Variants in GPAT4 observed in about 807,000 individuals in gnomAD.
GPAT4 encodes 1-AGP acyltransferase 6.
In GPAT4, 17 loss-of-function variants were observed where a neutral mutation model predicts 58.0. That is an observed-to-expected ratio of 0.29 (90% CI 0.20 to 0.44). GPAT4 has a LOEUF of 0.44. Among genes scored for constraint, GPAT4 ranks in the 20% least tolerant of loss-of-function variants. The pLI, the probability that GPAT4 is intolerant of heterozygous loss-of-function variation, is 1.00. For synonymous variants in GPAT4, 204 were observed against 210.1 expected, an observed-to-expected ratio of 0.97 and a Z score of 0.25; for missense variants, 377 against 574.5, an observed-to-expected ratio of 0.66 and a Z score of 3.51.
intron 8 of GPAT4, among the ~76,000 whole-genome samples, 176 bp downstream of exon 8, chr8:41,613,136 C>CCTGT (rs1413511773): frequency 6.6e-6 from 1 of 152,100 alleles, no homozygotes; most frequent in Non-Finnish European, 1.5e-5. Flanking sequence ...GTGGCTCATG[C>CCTGT]CTGTAATCCC....
chr8:41,585,937 A>G (rs1186863221), intron 1 of GPAT4, among the ~76,000 whole-genome samples: 1 of 152,258 alleles, frequency 6.6e-6, no homozygotes, highest in East Asian at 1.9e-4. Context: ...CTTTTTGAAC[A>G]ACTTAATCTT....
chr8:41,598,696 A>T lies in GPAT4; in HGVS notation c.-444A>T. 6.4e-6 allele frequency: 1 copy of T among 157,348 alleles called. No homozygotes were observed. The highest frequency in any genetic ancestry group is 1.4e-5 in the Non-Finnish European group (1 of 71,736). 9.7% of individuals were successfully genotyped at this position (157,348 alleles called of 1,614,324 possible). ...CAGGATTTTTCTGGCACCAAGTTTA[A>T]TTCTTCTTCGTACTTCTGGTAGTGA... On this transcript the variant is annotated 5_prime_UTR_variant, in exon 2 of 13. Transcript: ENST00000396987.
At position 41,585,332 on chromosome 8, in the gene GPAT4, C is replaced by T. The variant is rs1488424597; in HGVS notation, c.-849+7054C>T. Among the ~76,000 whole-genome samples the T allele has an allele frequency of 7.9e-5, 12 of 152,162 alleles. No individual in the cohort carries two copies. The East Asian group carries it at 1.7e-3, about 22-fold the overall frequency. The stretch of plus-strand genomic sequence containing the variant: ...CAGCCTGGGAAGCAAGAAGTGCACT[C>T]GACTGGACATCAGATGGGCGTGTTA... On this transcript the variant is annotated intron_variant, in intron 1 of 12. Coordinates refer to ENST00000396987, the MANE Select transcript of GPAT4 (RefSeq NM_178819.4).
At chr8:41,597,750 G>C (rs1348471877) in intron 1 of GPAT4, among the ~76,000 whole-genome samples, 2 of 152,242 alleles carry the variant, frequency 1.3e-5, no homozygotes, top group Non-Finnish European at 2.9e-5. Flanking sequence ...GGAGCTCTAT[G>C]TGTATTGATG....
chr8:41,594,747 G>C (rs55710648), intron 1 of GPAT4, among the ~76,000 whole-genome samples: 1 of 151,744 alleles, frequency 6.6e-6, no homozygotes, highest in African/African-American at 2.4e-5. Context: ...GGGTTTCACC[G>C]TGTTAGCCAG....
Position 41,615,006 on chromosome 8 carries a change from A to G in GPAT4, c.1011A>G (p.Gly337=), listed in dbSNP as rs1279095417. The change falls in exon 10 of 13, where the codon GGA becomes GGG. Residue 337 remains glycine (G), a synonymous_variant. Coordinates refer to ENST00000396987, the MANE Select transcript of GPAT4 (RefSeq NM_178819.4). ...CATCGGTGATGATGTTCAAAAAGGG[A>G]AGTTTTGAAATTGGAGCCACAGTTT... ...NNTSVMMFKK[G]SFEIGATVYP... 6.2e-7 allele frequency: 1 copy of G among 1,614,104 alleles called. No homozygotes were observed. The highest frequency in any genetic ancestry group is 1.1e-5 in the South Asian group (1 of 91,084).
At chr8:41,606,388 TG>T (rs536840527) in intron 2 of GPAT4, among the ~76,000 whole-genome samples, 73 of 152,084 alleles carry the variant, frequency 4.8e-4, no homozygotes, top group African/African-American at 1.8e-3. Flanking sequence ...GGTTTGGGTT[TG>T]GGGGGGCATT....
At chr8:41,616,566 A>G (rs527552146) in intron 10 of GPAT4, among the ~76,000 whole-genome samples, 59 of 152,174 alleles carry the variant, frequency 3.9e-4, no homozygotes, top group Non-Finnish European at 7.1e-4. Context: ...AAGTGCTGGG[A>G]TTATAGGCCT....
rs556461714 is a variant in GPAT4 at position 41,611,303 on chromosome 8, G to C, written c.611+493G>C. 1.1e-4 allele frequency among the ~76,000 whole-genome samples: 17 copies of C among 152,254 alleles called. 1 individual carries two copies. Among genetic ancestry groups the C allele is most frequent in the African/African-American group, 4.1e-4 (17 of 41,546 alleles). On this transcript the variant is annotated intron_variant, in intron 5 of 12. Transcript: ENST00000396987. ...TTTTTTTAAATTTTGATCTATGACT[G>C]TTCTTTTTGTCCTTCAGCCCTCACA...
At chr8:41,587,707 G>T (rs1213402640) in intron 1 of GPAT4, among the ~76,000 whole-genome samples, 1 of 152,194 alleles carries the variant, frequency 6.6e-6, no homozygotes, top group Non-Finnish European at 1.5e-5. Context: ...GATATTGCCA[G>T]ATGCTCCCCA....
At chr8:41,600,039 T>TC (rs397837197) in intron 2 of GPAT4, among the ~76,000 whole-genome samples, 3 of 134,332 alleles carry the variant, frequency 2.2e-5, no homozygotes, top group African/African-American at 8.8e-5. Context: ...TTCTTTTCTT[T>TC]TTTTTTTTTT....
intron 2 of GPAT4, among the ~76,000 whole-genome samples, chr8:41,603,652 C>T (rs1803168696): frequency 6.6e-6 from 1 of 151,994 alleles, no homozygotes; most frequent in Admixed American, 6.6e-5. Context: ...GTGACTGTTC[C>T]TGACACAGAG....
At chr8:41,610,492 TGCCTGAG>T in intron 4 of GPAT4, 1 of 1,359,298 alleles carries the variant, frequency 7.4e-7, no homozygotes, top group Non-Finnish European at 9.5e-7. Context: ...GCCTTCCAGC[TGCCTGAG>T]GCCTCAGGAG....
chr8:41,584,096 C>T (rs1297168287), intron 1 of GPAT4, among the ~76,000 whole-genome samples: 2 of 152,090 alleles, frequency 1.3e-5, no homozygotes, highest in African/African-American at 4.8e-5. Context: ...GGGGTCTCTC[C>T]TTGTTGTCCA....
At chr8:41,614,778 A>G (rs1301268952) in intron 9 of GPAT4, among the ~76,000 whole-genome samples, 185 bp from the exon 10 acceptor site, 1 of 152,120 alleles carries the variant, frequency 6.6e-6, no homozygotes, top group East Asian at 1.9e-4. Context: ...GTAGAAAGAG[A>G]ATCGGAGGCA....
chr8:41,623,109 G>T lies in GPAT4; in HGVS notation c.*2108G>T, dbSNP rs1803803960. The T allele has an allele frequency of 2.0e-5, 3 of 152,248 alleles. No homozygotes were observed. Among genetic ancestry groups the T allele is most frequent in the Non-Finnish European group, 4.4e-5 (3 of 68,050 alleles). The allele number at this position is 152,248 out of a possible 1,614,324, so 9.4% of individuals were successfully genotyped here. ...CTGCCGGCAGGTGTGGCCGCACCTGGTGTGAAGTCACGTGGAGTCAGTGCT... is the reference window on the plus strand; with the variant it reads ...CTGCCGGCAGGTGTGGCCGCACCTGTTGTGAAGTCACGTGGAGTCAGTGCT... On this transcript the variant is annotated 3_prime_UTR_variant, in exon 13 of 13. Coordinates refer to ENST00000396987, the MANE Select transcript of GPAT4 (RefSeq NM_178819.4).
At chr8:41,616,280 C>T (rs1278099254) in intron 10 of GPAT4, among the ~76,000 whole-genome samples, 2 of 152,146 alleles carry the variant, frequency 1.3e-5, no homozygotes, top group Non-Finnish European at 2.9e-5. Flanking sequence ...GGGCCCCACA[C>T]CCAGGGTTTC....
intron 1 of GPAT4, among the ~76,000 whole-genome samples, chr8:41,581,625 C>CT (rs567790530): frequency 0.067 from 7,391 of 110,540 alleles, 511 homozygotes; most frequent in Non-Finnish European, 0.1. Flanking sequence ...CCTTTGTTGA[C>CT]TTTTTTTTTT....
intron 1 of GPAT4, among the ~76,000 whole-genome samples, chr8:41,586,014 A>G (rs1238491888): frequency 1.3e-5 from 2 of 152,256 alleles, no homozygotes; most frequent in African/African-American, 4.8e-5. Context: ...ACAGATGTGT[A>G]TAGTCATCAA....
Sources: gnomAD v4.1 joint callset for allele counts (sites outside exome capture counted in the v4.1 genomes callset) on GRCh38, gnomAD v4.1.1 for gene constraint, MANE v1.5 for transcripts, NCBI Gene and HGNC (gene_info 2026-07-23, HGNC 2026-07-21) for gene names.